TRPA1: variants seen among roughly 807,000 people sequenced by gnomAD.
TRPA1 encodes the protein ankyrin-like with transmembrane domains 1.
TRPA1 carries 129 observed loss-of-function variants against 131.3 expected under a neutral mutation model. The ratio of observed to expected loss-of-function variants is 0.98; its 90% CI spans 0.85 to 1.14. The LOEUF (loss-of-function observed/expected upper bound fraction) is 1.14. Among genes scored for constraint, TRPA1 ranks in the 50% most tolerant of loss-of-function variants. TRPA1 has a pLI of 0.00. For synonymous variants in TRPA1, 441 were observed against 451.7 expected (o/e 0.98, Z 0.30); for missense variants, 1,304 against 1,354.2 (o/e 0.96, Z 0.58).
chr8:72,026,010 T>C lies in TRPA1; in HGVS notation c.3001A>G (p.Lys1001Glu). The C allele has an allele frequency of 6.2e-7, 1 of 1,614,080 alleles. No homozygotes were observed. The highest frequency in any genetic ancestry group is 8.5e-7 in the Non-Finnish European group (1 of 1,179,940). The change falls in exon 25 of 27, where the codon AAA becomes GAA. Residue 1001 changes from lysine (K) to glutamate (E), a missense_variant. Transcript: ENST00000262209. ...TTGTTGGGATACACGATGGTGGATT[T>C]CTGATCCACTTTGCGTAGAAACCAA... ...PLWFLRKVDQKSTIVYPNKPR... is the reference protein window; with the variant it reads ...PLWFLRKVDQESTIVYPNKPR...
At chr8:72,065,338 G>T (rs933896703) in intron 4 of TRPA1, 113 bp downstream of exon 4, 12 of 1,010,006 alleles carry the variant, frequency 1.2e-5, no homozygotes, top group African/African-American at 1.7e-5. Flanking sequence ...CCTAGTTTTT[G>T]TATTTTATAT....
intron 17 of TRPA1, among the ~76,000 whole-genome samples, chr8:72,045,678 A>G (rs574235174): frequency 6.6e-5 from 10 of 151,472 alleles, no homozygotes; most frequent in Admixed American, 4.6e-4. Flanking sequence ...GTGGGCTGCT[A>G]TTGCCACATG....
chr8:72,023,153 G>T, intron 26 of TRPA1, 37 bp from the exon 27 acceptor site: 1 of 1,590,174 alleles, frequency 6.3e-7, no homozygotes, highest in Non-Finnish European at 8.6e-7. Flanking sequence ...TTTATTTTCA[G>T]TTCTTCTTTT....
At chr8:72,043,655 C>T (rs1376449326) in intron 17 of TRPA1, among the ~76,000 whole-genome samples, 5 of 151,670 alleles carry the variant, frequency 3.3e-5, no homozygotes, top group African/African-American at 7.3e-5. Context: ...GTCCATCTTT[C>T]GGAAATAACT....
chr8:72,034,142 CTGT>C, intron 22 of TRPA1, 103 bp downstream of exon 22: 3 of 1,195,194 alleles, frequency 2.5e-6, no homozygotes, highest in Non-Finnish European at 3.5e-6. Context: ...TATTTGAATA[CTGT>C]TGTTATGTAA....
chr8:72,025,746 G>A (rs565225613), intron 25 of TRPA1, among the ~76,000 whole-genome samples: 1 of 152,300 alleles, frequency 6.6e-6, no homozygotes, highest in African/African-American at 2.4e-5. Context: ...TGCTATGGAT[G>A]AACCACCTGA....
At chr8:72,066,023 T>TC (rs1722484832) in intron 3 of TRPA1, among the ~76,000 whole-genome samples, 1 of 152,120 alleles carries the variant, frequency 6.6e-6, no homozygotes, top group African/African-American at 2.4e-5. Flanking sequence ...GGATTTTTTT[T>TC]CTCCTCCAGT....
At chr8:72,068,985 C>G in intron 3 of TRPA1, 38 bp downstream of exon 3, 1 of 1,612,818 alleles carries the variant, frequency 6.2e-7, no homozygotes, top group Non-Finnish European at 8.5e-7. Flanking sequence ...GCACCTGCAC[C>G]GCCGGTCAGG....
rs757559276 is a variant in TRPA1, at chr8:72,059,383, T to G, written c.993+7A>C. Reference sequence around the variant, plus strand: ...AATAAAAATAAACCAGTAAAAGGAATAGTTACCACTGAAATTAAATAGTCT... The same window carrying G: ...AATAAAAATAAACCAGTAAAAGGAAGAGTTACCACTGAAATTAAATAGTCT... On this transcript the variant is annotated splice_region_variant and intron_variant, in intron 8 of 26. Coordinates refer to ENST00000262209, the MANE Select transcript of TRPA1 (RefSeq NM_007332.3). 4 of 1,537,220 alleles carry G rather than the reference T, an allele frequency of 2.6e-6. No individual in the cohort carries two copies. The highest frequency in any genetic ancestry group is 4.5e-5 in the East Asian group (2 of 43,996).
intron 5 of TRPA1, 144 bp downstream of exon 5, chr8:72,063,319 G>T (rs780312749): frequency 6.4e-6 from 4 of 622,906 alleles, no homozygotes; most frequent in Non-Finnish European, 1.1e-5. Flanking sequence ...GGCTGAAGTT[G>T]CAGTGAGCTG....
chr8:72,043,649 A>G (rs1005766118), intron 17 of TRPA1, among the ~76,000 whole-genome samples: 1 of 151,784 alleles, frequency 6.6e-6, no homozygotes, highest in African/African-American at 2.4e-5. Context: ...AAAAATGTCC[A>G]TCTTTCGGAA....
At chr8:72,054,379 A>G (rs1015113877) in intron 12 of TRPA1, 4 of 155,646 alleles carry the variant, frequency 2.6e-5, no homozygotes, top group African/African-American at 7.2e-5. Context: ...AAATCTAAAA[A>G]GCTTCCCTCT....
intron 5 of TRPA1, among the ~76,000 whole-genome samples, 196 bp from the exon 6 acceptor site, chr8:72,063,140 G>A (rs893953342): frequency 2.6e-5 from 4 of 151,966 alleles, no homozygotes; most frequent in African/African-American, 7.3e-5. Context: ...CCAGCACTTT[G>A]AGAGGTCATG....
intron 5 of TRPA1, 138 bp from the exon 6 acceptor site, chr8:72,063,082 T>C: frequency 1.1e-6 from 1 of 919,542 alleles, no homozygotes; most frequent in Non-Finnish European, 1.6e-6. Flanking sequence ...TTAATTCTGT[T>C]AAATATTTTT....
intron 23 of TRPA1, among the ~76,000 whole-genome samples, chr8:72,031,791 G>A (rs1457939495): frequency 6.6e-6 from 1 of 152,128 alleles, no homozygotes; most frequent in African/African-American, 2.4e-5. Flanking sequence ...CATGTGCCAA[G>A]TACTATTTTA....
chr8:72,067,928 T>C (rs745430254), intron 3 of TRPA1, among the ~76,000 whole-genome samples: 8 of 152,200 alleles, frequency 5.3e-5, no homozygotes, highest in Non-Finnish European at 1.2e-4. Flanking sequence ...AGCCATCATT[T>C]ACCAGCACAG....
rs1250713377 is a variant in TRPA1 at position 72,022,788 on chromosome 8, A to G, written c.*118T>C. The G allele has an allele frequency of 3.2e-6, 3 of 951,648 alleles. No homozygotes were observed. The highest frequency in any genetic ancestry group is 2.6e-5 in the East Asian group (1 of 38,970). The allele number at this position is 951,648 out of a possible 1,614,324, so 59.0% of individuals were successfully genotyped here. A position where few individuals can be genotyped will look rare whatever the true frequency, so the allele number is the denominator to read the frequency against. ...TACTTTTATACAGCATGCAGGAACC[A>G]TGATTTCACACGCAGCAAAATGAAT... On this transcript the variant is annotated 3_prime_UTR_variant, in exon 27 of 27. Transcript: ENST00000262209.
intron 24 of TRPA1, 74 bp from the exon 25 acceptor site, chr8:72,026,147 C>T: frequency 1.8e-6 from 2 of 1,133,890 alleles, no homozygotes; most frequent in Non-Finnish European, 2.7e-6. Context: ...CAGAGGCAAT[C>T]ATTAATACAG....
intron 17 of TRPA1, 55 bp downstream of exon 17, chr8:72,046,456 TAA>T (rs11349767): frequency 4.9e-3 from 3,983 of 819,842 alleles, no homozygotes; most frequent in Middle Eastern, 0.01. Context: ...TAAAGTATAA[TAA>T]AAAAAAAAAA....
Sources: allele counts gnomAD v4.1 joint callset (sites outside exome capture counted in the v4.1 genomes callset), GRCh38; gene constraint gnomAD v4.1.1; transcripts MANE v1.5; gene names NCBI Gene and HGNC (gene_info 2026-07-23, HGNC 2026-07-21).